Variants in CAMK1D observed in about 807,000 individuals in gnomAD.
The protein encoded by CAMK1D is calcium/calmodulin-dependent protein kinase type 1D.
Under a neutral mutation model 47.7 loss-of-function variants are expected in CAMK1D, and 9 were observed. The observed-to-expected ratio is 0.19, with a 90% CI of 0.11 to 0.33. The LOEUF is 0.33. CAMK1D is among the 10% of genes least tolerant of loss of function. The pLI is 1.00. For synonymous variants in CAMK1D, 184 were observed against 184.9 expected, an observed-to-expected ratio of 0.99 and a Z score of 0.04; for missense variants, 291 against 488.7, an observed-to-expected ratio of 0.60 and a Z score of 3.81.
intron 1 of CAMK1D, among the ~76,000 whole-genome samples, chr10:12,417,300 A>G (rs1390366699): frequency 6.6e-6 from 1 of 152,064 alleles, no homozygotes; most frequent in African/African-American, 2.4e-5. Flanking sequence ...GACAAAGAAC[A>G]GGAGAACTAC....
chr10:12,431,549 A>T (rs1832476547), intron 1 of CAMK1D, among the ~76,000 whole-genome samples: 1 of 152,202 alleles, frequency 6.6e-6, no homozygotes, highest in Non-Finnish European at 1.5e-5. Context: ...CATTCAAAAG[A>T]TGCACTAATC....
At chr10:12,397,815 G>GA (rs1262247649) in intron 1 of CAMK1D, among the ~76,000 whole-genome samples, 4 of 152,164 alleles carry the variant, frequency 2.6e-5, no homozygotes, top group Admixed American at 2.6e-4. Context: ...CAACATACCA[G>GA]AAAAAATCGC....
chr10:12,595,897 G>A (rs890250023), intron 2 of CAMK1D, among the ~76,000 whole-genome samples: 19 of 152,108 alleles, frequency 1.2e-4, no homozygotes, highest in African/African-American at 2.9e-4. Flanking sequence ...GCATCTCATC[G>A]CTTCCTACTA....
chr10:12,701,807 G>T (rs917946488), intron 3 of CAMK1D, among the ~76,000 whole-genome samples: 27 of 152,338 alleles, frequency 1.8e-4, no homozygotes, highest in Non-Finnish European at 1.5e-4. Context: ...GAACGTGACA[G>T]AAGTGGATTT....
chr10:12,586,440 C>T (rs1300889849), intron 2 of CAMK1D, among the ~76,000 whole-genome samples: 1 of 114,170 alleles, frequency 8.8e-6, no homozygotes, highest in Non-Finnish European at 1.7e-5. Flanking sequence ...CAGAGCAAGA[C>T]TTCCTCTCAA....
At position 12,829,795 on chromosome 10, in the gene CAMK1D, C is replaced by A; in HGVS notation, c.*908C>A. 6.6e-6 allele frequency: 1 copy of A among 152,144 alleles called. No homozygotes were observed. Among genetic ancestry groups the A allele is most frequent in the Non-Finnish European group, 1.5e-5 (1 of 68,060 alleles). The allele number at this position is 152,144 out of a possible 1,614,324, so 9.4% of individuals were successfully genotyped here. ...ATCTGTCTCCAAGGCTAAGAGTGCC[C>A]TTCACCTCTACTCCTTCTGTTTCTC... On this transcript the variant is annotated 3_prime_UTR_variant, in exon 11 of 11. Transcript: ENST00000619168.
At chr10:12,548,213 AT>A (rs1836460075) in intron 1 of CAMK1D, among the ~76,000 whole-genome samples, 7 of 152,146 alleles carry the variant, frequency 4.6e-5, no homozygotes, top group Admixed American at 4.6e-4. Flanking sequence ...TAAGGAGTGG[AT>A]TCACTGATAC....
chr10:12,761,328 A>C (rs1340078755), intron 4 of CAMK1D, among the ~76,000 whole-genome samples: 1 of 152,234 alleles, frequency 6.6e-6, no homozygotes, highest in Non-Finnish European at 1.5e-5. Context: ...ACCATTATGT[A>C]GCCAAAGGGT....
rs56995702 is a variant in CAMK1D at position 12,814,348 on chromosome 10, G to A, written c.754+41G>A. The A allele has an allele frequency of 1.6e-3, 2,154 of 1,307,856 alleles. 30 individuals carry two copies. In the African/African-American group the frequency reaches 0.023, roughly 14 times the overall value. 81.0% of individuals were successfully genotyped at this position (1,307,856 alleles called of 1,614,324 possible). A position where few individuals can be genotyped will look rare whatever the true frequency, so the allele number is the denominator to read the frequency against. ...GCAGCTCCCAGTGGGCGGCCCCCGC[G>A]ACACTTACACCCAGACCACGTGACC... On this transcript the variant is annotated intron_variant, in intron 7 of 10. Transcript: ENST00000619168.
At chr10:12,476,724 CTCTTT>C (rs1421467796) in intron 1 of CAMK1D, among the ~76,000 whole-genome samples, 1 of 152,086 alleles carries the variant, frequency 6.6e-6, no homozygotes, top group East Asian at 1.9e-4. Flanking sequence ...GTATTTCCAC[CTCTTT>C]TCTTACCCTA....
intron 4 of CAMK1D, among the ~76,000 whole-genome samples, chr10:12,769,419 G>A (rs1836930341): frequency 6.6e-6 from 1 of 152,182 alleles, no homozygotes; most frequent in Non-Finnish European, 1.5e-5. Context: ...AGAATATGGT[G>A]AGTTTTTTAA....
In CAMK1D at chr10:12,417,946, C is replaced by T. The variant is rs191654186; in HGVS notation, c.92+68036C>T. 3.2e-3 allele frequency among the ~76,000 whole-genome samples: 488 copies of T among 152,082 alleles called. 18 individuals carry two copies. Among genetic ancestry groups the T allele is most frequent in the Admixed American group, 0.03 (459 of 15,274 alleles). On this transcript the variant is annotated intron_variant, in intron 1 of 10. Transcript: ENST00000619168. ...CCTCCCGAATAGCTGGGATTACAGG[C>T]GCCTGCCACCACACCCGGCTAATTT...
rs775601473 is a variant in CAMK1D, at chr10:12,695,072, GTAGATACA to G, written c.299+28277_299+28284del. Among the ~76,000 whole-genome samples the G allele has an allele frequency of 2.2e-3, 206 of 92,198 alleles. 4 individuals are homozygous for G. The highest frequency in any genetic ancestry group is 0.021 in the East Asian group (60 of 2,916). The allele number at this position is 92,198 out of a possible 152,430, so 60.5% of individuals were successfully genotyped here. A position where few individuals can be genotyped will look rare whatever the true frequency, so the allele number is the denominator to read the frequency against. ...GATAGATAGATAGATAGATACATAG[GTAGATACA>G]TAGATACATAGATATAGGGTAGATT... On this transcript the variant is annotated intron_variant, in intron 3 of 10. Coordinates refer to ENST00000619168, the MANE Select transcript of CAMK1D (RefSeq NM_153498.4).
rs568245937 is a variant in CAMK1D, at chr10:12,821,476, C to A, written c.834-2989C>A. ...ACTGGCAAGTGCTGTCCCGGGTACA[C>A]ACCAGGCACCACCAGGCCCATCTTG... On this transcript the variant is annotated intron_variant, in intron 8 of 10. Coordinates refer to ENST00000619168, the MANE Select transcript of CAMK1D (RefSeq NM_153498.4). 2.6e-5 allele frequency among the ~76,000 whole-genome samples: 4 copies of A among 152,272 alleles called. No individual in the cohort carries two copies. The South Asian group carries it at 8.3e-4, about 32-fold the overall frequency.
chr10:12,682,890 G>C (rs1273808348), intron 3 of CAMK1D, among the ~76,000 whole-genome samples: 1 of 151,284 alleles, frequency 6.6e-6, no homozygotes, highest in Non-Finnish European at 1.5e-5. Context: ...TTAATCTTTG[G>C]AAAATTTCTA....
At chr10:12,773,069 A>G (rs903460176) in intron 5 of CAMK1D, among the ~76,000 whole-genome samples, 2 of 152,100 alleles carry the variant, frequency 1.3e-5, no homozygotes, top group African/African-American at 4.8e-5. Flanking sequence ...GGTTCTTTCT[A>G]TGACGCTTTC....
rs558081747 is a variant in CAMK1D at position 12,357,629 on chromosome 10, A to C, written c.92+7719A>C. On this transcript the variant is annotated intron_variant, in intron 1 of 10. Coordinates refer to ENST00000619168, the MANE Select transcript of CAMK1D (RefSeq NM_153498.4). ...CTGCACTCGGCCATTATGTTTCTTTAATTAATGAAGGAACTGCTTATAGGC... is the reference window on the plus strand; with the variant it reads ...CTGCACTCGGCCATTATGTTTCTTTCATTAATGAAGGAACTGCTTATAGGC... 3.3e-5 allele frequency among the ~76,000 whole-genome samples: 5 copies of C among 152,196 alleles called. No individual in the cohort carries two copies. In the East Asian group the frequency reaches 9.7e-4, roughly 29 times the overall value.
chr10:12,711,716 C>G (rs893853183), intron 3 of CAMK1D, among the ~76,000 whole-genome samples: 5 of 152,200 alleles, frequency 3.3e-5, no homozygotes, highest in African/African-American at 1.2e-4. Context: ...AGTCCTCACA[C>G]CACTTTGGTC....
At chr10:12,354,611 C>T (rs1406704894) in intron 1 of CAMK1D, among the ~76,000 whole-genome samples, 1 of 151,712 alleles carries the variant, frequency 6.6e-6, no homozygotes, top group Non-Finnish European at 1.5e-5. Flanking sequence ...GGGATTTCAC[C>T]ATTTTGGCCA....
Sources: gnomAD v4.1 joint callset for allele counts (sites outside exome capture counted in the v4.1 genomes callset) on GRCh38, gnomAD v4.1.1 for gene constraint, MANE v1.5 for transcripts, NCBI Gene and HGNC (gene_info 2026-07-23, HGNC 2026-07-21) for gene names.